PDE6C: variants seen among roughly 807,000 people sequenced by gnomAD.
PDE6C encodes cone cGMP-specific 3',5'-cyclic phosphodiesterase subunit alpha'.
In PDE6C, 75 loss-of-function variants were observed where a neutral mutation model predicts 113.1. The observed-to-expected ratio is 0.66, with a 90% CI of 0.55 to 0.80. The LOEUF (loss-of-function observed/expected upper bound fraction) is 0.80. Ranked by LOEUF, PDE6C falls within the 30% of genes least tolerant of loss-of-function variation. The probability of loss-of-function intolerance (pLI) is 0.00; values close to 1 mark genes in which losing one functional copy is unlikely to be tolerated. For synonymous variants in PDE6C, 375 were observed against 363.7 expected, an observed-to-expected ratio of 1.03 and a Z score of -0.35; for missense variants, 912 against 1,038.6, an observed-to-expected ratio of 0.88 and a Z score of 1.67.
chr10:93,621,853 A>G, intron 3 of PDE6C, 79 bp from the exon 4 acceptor site: 1 of 1,307,540 alleles, frequency 7.6e-7, no homozygotes, highest in South Asian at 1.2e-5. Context: ...GATGCACCTC[A>G]TGTTTTCTTG....
At chr10:93,639,939 A>G (rs2058550879) in intron 11 of PDE6C, 131 bp from the exon 12 acceptor site, 1 of 909,198 alleles carries the variant, frequency 1.1e-6, no homozygotes, top group Non-Finnish European at 1.8e-6. Flanking sequence ...AGTGCCTGGC[A>G]CATGGTGGTT....
chr10:93,621,843 G>T (rs1468972619), intron 3 of PDE6C, 89 bp from the exon 4 acceptor site: 4 of 1,179,950 alleles, frequency 3.4e-6, no homozygotes, highest in African/African-American at 1.5e-5. Context: ...TATTTTATTT[G>T]ATGCACCTCA....
At chr10:93,660,000 TCTTA>T (rs1206870359) in intron 18 of PDE6C, among the ~76,000 whole-genome samples, 6 of 152,220 alleles carry the variant, frequency 3.9e-5, no homozygotes, top group African/African-American at 1.4e-4. Context: ...CCACTTGCTT[TCTTA>T]CTAATTGGAT....
At chr10:93,663,317 G>A (rs185336708) in intron 21 of PDE6C, 139 bp downstream of exon 21, 8 of 850,314 alleles carry the variant, frequency 9.4e-6, no homozygotes, top group South Asian at 4.4e-5. Context: ...TTAACAGGCC[G>A]ATTAGTGGTT....
In PDE6C at chr10:93,633,560, T is replaced by A. The variant is rs551883962; in HGVS notation, c.1120-1198T>A. Among the ~76,000 whole-genome samples the A allele has an allele frequency of 5.3e-5, 8 of 152,190 alleles. No homozygotes were observed. The East Asian group carries it at 1.5e-3, about 29-fold the overall frequency. On this transcript the variant is annotated intron_variant, in intron 8 of 21. Transcript: ENST00000371447. ...ACTTTGAGAAACACTCCTAAACTTT[T>A]GTGCCTGCATCCCTCGACTAGACCC...
intron 11 of PDE6C, among the ~76,000 whole-genome samples, chr10:93,638,422 G>T (rs1321535583): frequency 2.0e-5 from 3 of 151,980 alleles, no homozygotes; most frequent in African/African-American, 7.3e-5. Flanking sequence ...CATCCTCTCA[G>T]CCTGGCCCAG....
chr10:93,662,214 C>G (rs1480647559), intron 19 of PDE6C, 81 bp downstream of exon 19: 2 of 891,732 alleles, frequency 2.2e-6, no homozygotes, highest in Non-Finnish European at 3.8e-6. Context: ...CCTGTAATCC[C>G]AGCACTTTGG....
intron 18 of PDE6C, 44 bp downstream of exon 18, chr10:93,659,211 T>C (rs2058219489): frequency 3.1e-6 from 4 of 1,293,090 alleles, no homozygotes; most frequent in Non-Finnish European, 4.5e-6. Flanking sequence ...TGTCAGGTAC[T>C]GCCTAGGTCC....
chr10:93,639,279 A>C (rs1260008415), intron 11 of PDE6C, among the ~76,000 whole-genome samples: 2 of 152,180 alleles, frequency 1.3e-5, no homozygotes, highest in Non-Finnish European at 2.9e-5. Flanking sequence ...AGCACTGGCC[A>C]TACTCTCTGA....
At chr10:93,636,199 A>C (rs1696754677) in intron 10 of PDE6C, among the ~76,000 whole-genome samples, 1 of 152,228 alleles carries the variant, frequency 6.6e-6, no homozygotes, top group South Asian at 2.1e-4. Context: ...GTTTTTGCTC[A>C]CATCACATTC....
At chr10:93,632,288 T>G (rs894083288) in intron 8 of PDE6C, among the ~76,000 whole-genome samples, 2 of 152,336 alleles carry the variant, frequency 1.3e-5, no homozygotes, top group Middle Eastern at 3.4e-3. Context: ...AGTTCCCCTG[T>G]GTTGTGTAAG....
chr10:93,648,244 TA>T (rs1263789334), intron 15 of PDE6C, among the ~76,000 whole-genome samples: 1 of 152,184 alleles, frequency 6.6e-6, no homozygotes, highest in African/African-American at 2.4e-5. Flanking sequence ...TTATTCTTTC[TA>T]AAAAGGAATA....
At chr10:93,616,970 GT>G (rs1564795096) in intron 1 of PDE6C, among the ~76,000 whole-genome samples, 1 of 152,102 alleles carries the variant, frequency 6.6e-6, no homozygotes, top group Non-Finnish European at 1.5e-5. Flanking sequence ...TCTTTAAGTT[GT>G]TTTTTTCTCT....
Position 93,665,952 on chromosome 10 carries a change from T to C in PDE6C, c.*534T>C. The C allele has an allele frequency of 5.8e-6, 1 of 171,254 alleles. No individual in the cohort carries two copies. The highest frequency in any genetic ancestry group is 1.2e-5 in the Non-Finnish European group (1 of 80,516). The allele number at this position is 171,254 out of a possible 1,614,324, so 10.6% of individuals were successfully genotyped here. A position where few individuals can be genotyped will look rare whatever the true frequency, so the allele number is the denominator to read the frequency against. On this transcript the variant is annotated 3_prime_UTR_variant, in exon 22 of 22. Coordinates refer to ENST00000371447, the MANE Select transcript of PDE6C (RefSeq NM_006204.4). The stretch of plus-strand genomic sequence containing the variant: ...TTATAAGGACTCCAGTAGGACTGGA[T>C]TAGGGCCTACCCATGTGACCTCATT...
chr10:93,633,275 G>A (rs1341647789), intron 8 of PDE6C, among the ~76,000 whole-genome samples: 1 of 151,950 alleles, frequency 6.6e-6, no homozygotes, highest in African/African-American at 2.4e-5. Flanking sequence ...AGATCAGCCT[G>A]GCCAACATGG....
chr10:93,661,209 C>T (rs569789488), intron 18 of PDE6C, among the ~76,000 whole-genome samples: 1 of 152,282 alleles, frequency 6.6e-6, no homozygotes, highest in South Asian at 2.1e-4. Flanking sequence ...CTGTCACTGC[C>T]TGTCCTCAAC....
intron 1 of PDE6C, among the ~76,000 whole-genome samples, chr10:93,614,852 G>GT (rs2058412767): frequency 6.6e-6 from 1 of 152,114 alleles, no homozygotes; most frequent in African/African-American, 2.4e-5. Flanking sequence ...ACTCCTGGCT[G>GT]TTCTGGGTGG....
Position 93,634,788 on chromosome 10 carries a change from A to G in PDE6C, c.1150A>G (p.Ile384Val), listed in dbSNP as rs776602508. ...ACCTGTAGACGAAACTGGTTGGGTC[A>G]TTAAGAATGTTTTGTCCCTGCCTAT... ...KGPVDETGWV[I>V]KNVLSLPIVN... The change falls in exon 9 of 22, where the codon ATT becomes GTT. Residue 384 changes from isoleucine (I) to valine (V), a missense_variant. Transcript: ENST00000371447. 1.9e-6 allele frequency: 3 copies of G among 1,614,134 alleles called. No individual in the cohort carries two copies. Among genetic ancestry groups the G allele is most frequent in the Non-Finnish European group, 2.5e-6 (3 of 1,179,994 alleles).
rs754710136 is a variant in PDE6C, at chr10:93,613,234, G to C, written c.480+29G>C. ...GGTGGCCTTATGACAGTGGGGCAGA[G>C]GTCTTGGCAGGGTCAGGGAGGAACA... On this transcript the variant is annotated intron_variant, in intron 1 of 21. Coordinates refer to ENST00000371447, the MANE Select transcript of PDE6C (RefSeq NM_006204.4). The C allele has an allele frequency of 2.5e-6, 4 of 1,612,992 alleles. No individual in the cohort carries two copies. The Admixed American group carries it at 6.7e-5, about 27-fold the overall frequency.
Sources: gnomAD v4.1 joint callset for allele counts (sites outside exome capture counted in the v4.1 genomes callset) on GRCh38, gnomAD v4.1.1 for gene constraint, MANE v1.5 for transcripts, NCBI Gene and HGNC (gene_info 2026-07-23, HGNC 2026-07-21) for gene names.